PTPRD: variants seen among roughly 807,000 people sequenced by gnomAD.
PTPRD encodes protein tyrosine phosphatase receptor type D.
A neutral mutation model predicts 214.5 loss-of-function variants in PTPRD; 34 were observed. The observed-to-expected ratio is 0.16, with a 90% confidence interval of 0.12 to 0.21. PTPRD has a LOEUF of 0.21. PTPRD is among the 10% of genes least tolerant of loss of function. The pLI, the probability that PTPRD is intolerant of heterozygous loss-of-function variation, is 1.00. For missense variants in PTPRD, 2,545 were observed against 2,398.7 expected (o/e 1.06, Z -1.27); for synonymous variants, 1,128 against 845.7 (o/e 1.33, Z -5.79).
At chr9:10,220,578 G>C (rs528444432) in intron 3 of PTPRD, among the ~76,000 whole-genome samples, 2 of 151,992 alleles carry the variant, frequency 1.3e-5, no homozygotes, top group South Asian at 4.1e-4. Context: ...TTAATTGACA[G>C]CTGTCCTGTT....
chr9:8,709,408 G>C (rs1032612492), intron 12 of PTPRD, among the ~76,000 whole-genome samples: 1 of 151,254 alleles, frequency 6.6e-6, no homozygotes, highest in South Asian at 2.1e-4. Flanking sequence ...CCAGCTACTC[G>C]GGAGGCTGAG....
At chr9:9,606,613 G>A (rs75050873) in intron 7 of PTPRD, among the ~76,000 whole-genome samples, 4,828 of 151,896 alleles carry the variant, frequency 0.032, 209 homozygotes, top group African/African-American at 0.1. Context: ...TATAAATTCT[G>A]TGGAAAAGCA....
chr9:10,319,009 C>A (rs1241844254), intron 3 of PTPRD, among the ~76,000 whole-genome samples: 1 of 152,070 alleles, frequency 6.6e-6, no homozygotes, highest in East Asian at 1.9e-4. Flanking sequence ...CCCTCTCCTT[C>A]TTCCCCTCTT....
chr9:10,333,206 G>C (rs1030015819), intron 3 of PTPRD, among the ~76,000 whole-genome samples: 3 of 151,790 alleles, frequency 2.0e-5, no homozygotes, highest in Non-Finnish European at 4.4e-5. Context: ...GATTAGTGCA[G>C]TTTGCCTAAG....
intron 2 of PTPRD, among the ~76,000 whole-genome samples, chr9:10,346,710 G>A (rs1287216300): frequency 6.6e-6 from 1 of 152,108 alleles, no homozygotes; most frequent in East Asian, 1.9e-4. Flanking sequence ...AAACTGATCT[G>A]GTAATGAGAG....
At chr9:8,819,820 T>C (rs891515888) in intron 11 of PTPRD, among the ~76,000 whole-genome samples, 2 of 152,196 alleles carry the variant, frequency 1.3e-5, no homozygotes, top group Admixed American at 6.5e-5. Flanking sequence ...AGATAATTCC[T>C]TCAACTGACA....
At chr9:10,472,735 T>A (rs1288400943) in intron 2 of PTPRD, among the ~76,000 whole-genome samples, 1 of 152,124 alleles carries the variant, frequency 6.6e-6, no homozygotes, top group South Asian at 2.1e-4. Flanking sequence ...AATTCTCTTA[T>A]ACATGGAGAA....
intron 8 of PTPRD, among the ~76,000 whole-genome samples, chr9:9,445,270 G>A (rs17768428): frequency 6.6e-6 from 1 of 151,966 alleles, no homozygotes; most frequent in East Asian, 1.9e-4. Context: ...TCTGTCCCAC[G>A]TTTATCCCTG....
At chr9:8,619,552 C>T (rs1033251093) in intron 14 of PTPRD, among the ~76,000 whole-genome samples, 3 of 152,058 alleles carry the variant, frequency 2.0e-5, no homozygotes, top group Admixed American at 6.6e-5. Flanking sequence ...TCTTAACTAG[C>T]CTTTCAGTGA....
At chr9:9,460,403 G>C (rs1309981377) in intron 8 of PTPRD, among the ~76,000 whole-genome samples, 2 of 152,006 alleles carry the variant, frequency 1.3e-5, no homozygotes, top group Non-Finnish European at 2.9e-5. Context: ...GCAGCCTGCA[G>C]AATGAGAGAA....
chr9:10,357,734 T>C (rs557775006), intron 2 of PTPRD, among the ~76,000 whole-genome samples: 1 of 152,290 alleles, frequency 6.6e-6, no homozygotes, highest in Non-Finnish European at 1.5e-5. Flanking sequence ...GAGATGCTTT[T>C]CAAATAATTT....
chr9:9,347,279 C>T (rs2049209986), intron 9 of PTPRD, among the ~76,000 whole-genome samples: 1 of 150,964 alleles, frequency 6.6e-6, no homozygotes, highest in Non-Finnish European at 1.5e-5. Context: ...AAGTCTTATA[C>T]TTTCTATACT....
At chr9:9,620,041 G>A (rs2095150586) in intron 7 of PTPRD, among the ~76,000 whole-genome samples, 1 of 151,712 alleles carries the variant, frequency 6.6e-6, no homozygotes. Flanking sequence ...ATGTAGAATG[G>A]GCATTGTTAA....
At chr9:9,621,155 T>G (rs771237933) in intron 7 of PTPRD, among the ~76,000 whole-genome samples, 4 of 152,218 alleles carry the variant, frequency 2.6e-5, no homozygotes, top group Admixed American at 6.5e-5. Context: ...GTGCATAATA[T>G]TTCTCCTAAC....
intron 3 of PTPRD, among the ~76,000 whole-genome samples, chr9:10,253,495 T>C (rs1184768155): frequency 6.6e-6 from 1 of 152,336 alleles, no homozygotes; most frequent in African/African-American, 2.4e-5. Flanking sequence ...ACCAAACAAC[T>C]CTTTTAACGC....
At chr9:10,391,551 G>C (rs2098065840) in intron 2 of PTPRD, among the ~76,000 whole-genome samples, 2 of 151,724 alleles carry the variant, frequency 1.3e-5, no homozygotes, top group Non-Finnish European at 2.9e-5. Context: ...ATGAATGCCT[G>C]TATAGTCAAT....
At chr9:9,750,388 A>G (rs907875648) in intron 6 of PTPRD, among the ~76,000 whole-genome samples, 1 of 152,158 alleles carries the variant, frequency 6.6e-6, no homozygotes, top group African/African-American at 2.4e-5. Context: ...CAGAGAAATT[A>G]TAGACTCCCT....
chr9:10,475,009 C>G (rs1278021297), intron 2 of PTPRD, among the ~76,000 whole-genome samples: 1 of 152,070 alleles, frequency 6.6e-6, no homozygotes, highest in Non-Finnish European at 1.5e-5. Context: ...ATGTATAGTA[C>G]TAAATGTCCA....
chr9:9,996,749 G>A (rs193252457), intron 4 of PTPRD, among the ~76,000 whole-genome samples: 77 of 152,242 alleles, frequency 5.1e-4, no homozygotes, highest in African/African-American at 1.3e-3. Flanking sequence ...AGTGATTTCA[G>A]TGGCTTCATA....
Sources: allele counts gnomAD v4.1 joint callset (sites outside exome capture counted in the v4.1 genomes callset), GRCh38; gene constraint gnomAD v4.1.1; transcripts MANE v1.5; gene names NCBI Gene and HGNC (gene_info 2026-07-23, HGNC 2026-07-21).